MARCO: variants seen among roughly 807,000 people sequenced by gnomAD.
MARCO encodes macrophage receptor with collagenous structure, also known as macrophage receptor MARCO.
Under a neutral mutation model 70.0 loss-of-function variants are expected in MARCO, and 72 were observed. The ratio of observed to expected loss-of-function variants is 1.03; its 90% confidence interval spans 0.85 to 1.25. The LOEUF (loss-of-function observed/expected upper bound fraction) is 1.25, where lower values mean the gene tolerates loss of function less well. Ranked by LOEUF, MARCO falls within the 50% of genes most tolerant of loss-of-function variation. The probability of loss-of-function intolerance (pLI) is 0.00; values close to 1 mark genes in which losing one functional copy is unlikely to be tolerated. For synonymous variants in MARCO, 273 were observed against 243.1 expected (o/e 1.12, Z -1.14); for missense variants, 696 against 659.3 (o/e 1.06, Z -0.61).
intron 6 of MARCO, among the ~76,000 whole-genome samples, chr2:118,976,166 C>A (rs1188127531): frequency 6.6e-6 from 1 of 152,188 alleles, no homozygotes. Context: ...GACAGGTAGG[C>A]ACATCACACA....
At chr2:118,953,482 GT>G (rs1340444550) in intron 1 of MARCO, among the ~76,000 whole-genome samples, 1 of 152,174 alleles carries the variant, frequency 6.6e-6, no homozygotes, top group Non-Finnish European at 1.5e-5. Context: ...TGATTTTTGT[GT>G]GTTCATCTTG....
At chr2:118,957,663 C>G (rs147200332) in intron 1 of MARCO, among the ~76,000 whole-genome samples, 3,436 of 152,070 alleles carry the variant, frequency 0.023, 71 homozygotes, top group Non-Finnish European at 0.037. Context: ...TTCTATGAAG[C>G]CTTCATTACC....
At chr2:118,991,306 C>T (rs529338021) in intron 13 of MARCO, among the ~76,000 whole-genome samples, 4 of 151,346 alleles carry the variant, frequency 2.6e-5, no homozygotes, top group South Asian at 2.1e-4. Flanking sequence ...CACCCAGGCC[C>T]GAATGCAGTG....
intron 1 of MARCO, among the ~76,000 whole-genome samples, chr2:118,959,199 C>A (rs922364075): frequency 1.3e-5 from 2 of 152,174 alleles, no homozygotes; most frequent in African/African-American, 2.4e-5. Flanking sequence ...AGTAAACAGA[C>A]AACCCACAGA....
intron 1 of MARCO, among the ~76,000 whole-genome samples, chr2:118,967,938 T>A (rs572366326): frequency 1.3e-5 from 2 of 152,286 alleles, no homozygotes; most frequent in East Asian, 3.9e-4. Context: ...CAGTGGTCAG[T>A]GCAGGCTAGT....
chr2:118,985,553 C>T (rs552303541), intron 12 of MARCO, among the ~76,000 whole-genome samples: 1 of 152,298 alleles, frequency 6.6e-6, no homozygotes, highest in South Asian at 2.1e-4. Flanking sequence ...CCTGCAGAAC[C>T]TTCTCTCAGG....
chr2:118,981,445 G>A lies in MARCO; in HGVS notation c.803G>A (p.Gly268Glu), dbSNP rs766549695. ...GACAGGGGCATGAAAGGAGATGCAG[G>A]GGTCATGGGGCCTCCTGGAGCCCAG... ...KGDRGMKGDA[G>E]VMGPPGAQGS... Residue 268 changes from glycine (G) to glutamate (E), a missense_variant, in exon 9 of 17, where the codon GGG becomes GAG. This residue lies in a region of MARCO where 605 missense variants were observed against 537.6 expected (regional missense o/e 1.13). Coordinates refer to ENST00000327097, the MANE Select transcript of MARCO (RefSeq NM_006770.4). 52 of 1,595,768 alleles carry A rather than the reference G, an allele frequency of 3.3e-5. 1 individual carries two copies. The highest frequency in any genetic ancestry group is 5.5e-5 in the African/African-American group (4 of 73,278).
chr2:118,955,790 C>T (rs1679825573), intron 1 of MARCO, among the ~76,000 whole-genome samples: 1 of 152,118 alleles, frequency 6.6e-6, no homozygotes, highest in Non-Finnish European at 1.5e-5. Context: ...GGGATTGGGG[C>T]CCTATCTTCT....
chr2:118,956,083 A>G (rs1364017203), intron 1 of MARCO, among the ~76,000 whole-genome samples: 1 of 152,220 alleles, frequency 6.6e-6, no homozygotes, highest in East Asian at 1.9e-4. Context: ...TCAAAAAACC[A>G]AAATGAAACA....
At chr2:118,988,351 A>G (rs533065477) in intron 12 of MARCO, among the ~76,000 whole-genome samples, 109 of 152,080 alleles carry the variant, frequency 7.2e-4, no homozygotes, top group Non-Finnish European at 1.2e-3. Context: ...GCATCTCTTT[A>G]GGTGGTCACA....
intron 1 of MARCO, among the ~76,000 whole-genome samples, chr2:118,968,222 A>G (rs1277247304): frequency 4.6e-5 from 7 of 152,220 alleles, no homozygotes; most frequent in Admixed American, 4.6e-4. Flanking sequence ...ACAGCTGACG[A>G]AAGACTAGAG....
intron 1 of MARCO, 61 bp downstream of exon 1, chr2:118,942,458 T>A: frequency 7.6e-7 from 1 of 1,324,172 alleles, no homozygotes; most frequent in Non-Finnish European, 1.1e-6. Context: ...GCTAGCGAGA[T>A]ACGAAAATAG....
intron 1 of MARCO, among the ~76,000 whole-genome samples, chr2:118,945,435 T>C (rs1016173883): frequency 4.1e-5 from 6 of 145,408 alleles, no homozygotes; most frequent in African/African-American, 1.5e-4. Context: ...TTTTTTGAGA[T>C]GGAGTCTCGC....
intron 1 of MARCO, among the ~76,000 whole-genome samples, chr2:118,955,641 C>T (rs1813376): frequency 0.11 from 17,414 of 152,206 alleles, 1,546 homozygotes; most frequent in East Asian, 0.48. Flanking sequence ...TTCCCCTAGA[C>T]ACATTGTCAT....
chr2:118,955,559 C>T (rs1426728473), intron 1 of MARCO, among the ~76,000 whole-genome samples: 2 of 152,132 alleles, frequency 1.3e-5, no homozygotes, highest in Non-Finnish European at 1.5e-5. Context: ...ACTTTCCTGG[C>T]CTTCCCAGAG....
chr2:118,958,546 G>A (rs781008156), intron 1 of MARCO, among the ~76,000 whole-genome samples: 13 of 152,102 alleles, frequency 8.5e-5, no homozygotes, highest in Non-Finnish European at 1.6e-4. Context: ...GCTCATGGAT[G>A]GGTAGAAACA....
At chr2:118,968,059 C>G (rs1680089434) in intron 1 of MARCO, among the ~76,000 whole-genome samples, 1 of 152,170 alleles carries the variant, frequency 6.6e-6, no homozygotes, top group Non-Finnish European at 1.5e-5. Context: ...GGAGTGTAAC[C>G]ATGCCTACCT....
chr2:118,975,164 G>A (rs879513548), intron 6 of MARCO, among the ~76,000 whole-genome samples: 5 of 152,132 alleles, frequency 3.3e-5, no homozygotes, highest in Admixed American at 6.5e-5. Context: ...CACGGGGCCC[G>A]GTCAGAGAAT....
Position 118,992,442 on chromosome 2 carries a change from G to T in MARCO, c.1218G>T (p.Gly406=). ...TTCTCCTCATGACAGGATCTTCTGG[G>T]GAGCAAGGAGTAAAGGGAGAAAAAG... ...KGDQGVKGSS[G]EQGVKGEKGE... The change falls in exon 15 of 17, where the codon GGG becomes GGT. Residue 406 remains glycine (G), a synonymous_variant. Coordinates refer to ENST00000327097, the MANE Select transcript of MARCO (RefSeq NM_006770.4). The T allele has an allele frequency of 6.2e-7, 1 of 1,613,794 alleles. No homozygotes were observed. The highest frequency in any genetic ancestry group is 8.5e-7 in the Non-Finnish European group (1 of 1,179,696).
Sources: gnomAD v4.1 joint callset for allele counts (sites outside exome capture counted in the v4.1 genomes callset) on GRCh38, gnomAD v4.1.1 for gene constraint, gnomAD v4.1.1 regional missense constraint, MANE v1.5 for transcripts, NCBI Gene and HGNC (gene_info 2026-07-23, HGNC 2026-07-21) for gene names.